Variants in HERC3 observed in about 807,000 individuals in gnomAD.
HERC3 encodes the protein HECT and RLD domain containing E3 ubiquitin protein ligase 3.
HERC3 carries 58 observed loss-of-function variants against 129.9 expected under a neutral mutation model. The ratio of observed to expected loss-of-function variants is 0.45; its 90% confidence interval spans 0.36 to 0.56. HERC3 has a LOEUF of 0.56. HERC3 is among the 20% of genes least tolerant of loss of function. The probability of loss-of-function intolerance (pLI) is 0.00; values close to 1 mark genes in which losing one functional copy is unlikely to be tolerated. For synonymous variants in HERC3, 430 were observed against 451.0 expected (o/e 0.95, Z 0.59); for missense variants, 835 against 1,244.2 (o/e 0.67, Z 4.95).
rs762868595 is a variant in HERC3, at chr4:88,697,696, T to TCCGCCGCTGCCG, written c.2658-6396_2658-6385dup. 93 of 1,611,830 alleles carry TCCGCCGCTGCCG rather than the reference T, an allele frequency of 5.8e-5. No homozygotes were observed. In the East Asian group the frequency reaches 1.8e-3, roughly 32 times the overall value. ...CGCCATTACCTCCTCTGCCGCTGCC[T>TCCGCCGCTGCCG]CCGCCGCTGCCGCCGCCTGGCTAGG... On this transcript the variant is annotated intron_variant, in intron 23 of 25. Transcript: ENST00000402738.
rs557064421 is a variant in HERC3, at chr4:88,682,892, C to T, written c.2507+1567C>T. ...TTCTAGTTCTAGATCCCTGAGGAAT[C>T]GCCACACTGACTTCCACAATGGTTG... On this transcript the variant is annotated intron_variant, in intron 21 of 25. Transcript: ENST00000402738. 1.6e-4 allele frequency among the ~76,000 whole-genome samples: 25 copies of T among 152,190 alleles called. No homozygotes were observed. The East Asian group carries it at 3.7e-3, about 22-fold the overall frequency.
At chr4:88,538,970 GAACAGAT>G in the HERC3 span, among the ~76,000 whole-genome samples, 1 of 152,150 alleles carries the variant, frequency 6.6e-6, no homozygotes, top group Admixed American at 6.5e-5. Context: ...GGCCAAATAG[GAACAGAT>G]CCAGTCTGCA....
intron 23 of HERC3, chr4:88,696,411 C>CG (rs1328291094): frequency 2.6e-5 from 4 of 152,534 alleles, no homozygotes; most frequent in Non-Finnish European, 5.9e-5. Flanking sequence ...ATTTCTAAAA[C>CG]GCTAGGTAAA....
At chr4:88,629,168 A>G (rs778208404) in intron 3 of HERC3, among the ~76,000 whole-genome samples, 3 of 152,218 alleles carry the variant, frequency 2.0e-5, no homozygotes, top group Non-Finnish European at 4.4e-5. Context: ...AAAACAAAAC[A>G]AAACAAAACT....
the HERC3 span, among the ~76,000 whole-genome samples, chr4:88,554,345 CAAAA>C: frequency 6.7e-5 from 4 of 59,824 alleles, no homozygotes; most frequent in Non-Finnish European, 7.3e-5. Flanking sequence ...ACTCCATCTC[CAAAA>C]AAAAAAAAAA....
At chr4:88,558,141 C>T in the HERC3 span, among the ~76,000 whole-genome samples, 2 of 150,556 alleles carry the variant, frequency 1.3e-5, no homozygotes, top group African/African-American at 4.9e-5. Context: ...CCACTAATCC[C>T]AGTACCAGGT....
At chr4:88,665,720 G>T (rs1185357241) in intron 12 of HERC3, among the ~76,000 whole-genome samples, 1 of 152,082 alleles carries the variant, frequency 6.6e-6, no homozygotes, top group Non-Finnish European at 1.5e-5. Context: ...TCCCTAACTG[G>T]GTTGCAGGAG....
intron 3 of HERC3, among the ~76,000 whole-genome samples, chr4:88,625,614 G>A (rs1726013455): frequency 6.6e-6 from 1 of 152,038 alleles, no homozygotes; most frequent in Admixed American, 6.6e-5. Context: ...ATCAAGCTGT[G>A]TGCCTATTAT....
the HERC3 span, among the ~76,000 whole-genome samples, chr4:88,530,017 G>T: frequency 6.6e-6 from 1 of 152,098 alleles, no homozygotes; most frequent in South Asian, 2.1e-4. Flanking sequence ...CCAGCTGAGT[G>T]TGGTGGCTCA....
intron 4 of HERC3, among the ~76,000 whole-genome samples, chr4:88,650,305 A>G (rs987697272): frequency 1.3e-5 from 2 of 152,224 alleles, no homozygotes; most frequent in African/African-American, 2.4e-5. Flanking sequence ...TCGTAGGCTT[A>G]TTAACCTTCA....
rs1223642403 is a variant in HERC3 at position 88,704,544 on chromosome 4, C to T, written c.2878C>T (p.Pro960Ser). ...IYKGDYSATH[P>S]TVKLFWETFH... is the part of the protein sequence containing the mutation. ...CAAGGGAGATTACTCGGCCACACAT[C>T]CCACTGTAAAACTATTTTGGGAAAC... The change falls in exon 25 of 26, where the codon CCC (proline) becomes TCC (serine). Residue 960 changes from proline to serine, a missense_variant. By Grantham distance (74) the Pro-to-Ser change is moderately conservative (BLOSUM62 -1). Coordinates refer to ENST00000402738, the MANE Select transcript of HERC3 (RefSeq NM_014606.3). 6.2e-7 allele frequency: 1 copy of T among 1,612,392 alleles called. No homozygotes were observed. The highest frequency in any genetic ancestry group is 8.5e-7 in the Non-Finnish European group (1 of 1,178,530).
chr4:88,591,194 T>A (rs1335653178), upstream of HERC3, among the ~76,000 whole-genome samples: 1 of 152,192 alleles, frequency 6.6e-6, no homozygotes, highest in East Asian at 1.9e-4. Flanking sequence ...CGCCTGGCCA[T>A]CCCCAGTGTT....
At chr4:88,563,701 C>A in the HERC3 span, among the ~76,000 whole-genome samples, 1 of 150,180 alleles carries the variant, frequency 6.7e-6, no homozygotes, top group African/African-American at 2.5e-5. Context: ...CTTGTGTTGC[C>A]AAGGCTGGAG....
At chr4:88,691,548 C>A (rs1734077205) in intron 23 of HERC3, among the ~76,000 whole-genome samples, 1 of 152,208 alleles carries the variant, frequency 6.6e-6, no homozygotes, top group South Asian at 2.1e-4. Context: ...CGTTGGGAAG[C>A]AAGCTCTCAT....
chr4:88,606,138 CAA>C (rs1723596959), intron 3 of HERC3, 89 bp downstream of exon 3: 1 of 1,039,428 alleles, frequency 9.6e-7, no homozygotes. Context: ...CTTTCTCCAC[CAA>C]GTGTTCGGTT....
At chr4:88,617,926 C>T (rs1185672619) in intron 3 of HERC3, among the ~76,000 whole-genome samples, 1 of 151,658 alleles carries the variant, frequency 6.6e-6, no homozygotes, top group African/African-American at 2.4e-5. Flanking sequence ...GACCATTATG[C>T]CCTTAGGCAG....
intron 23 of HERC3, among the ~76,000 whole-genome samples, chr4:88,695,114 A>AT (rs1381697517): frequency 6.6e-6 from 1 of 152,084 alleles, no homozygotes; most frequent in Non-Finnish European, 1.5e-5. Context: ...ATTTTATTAG[A>AT]TTTTTTCTCT....
At chr4:88,671,169 C>T (rs1221742324) in intron 16 of HERC3, among the ~76,000 whole-genome samples, 2 of 152,194 alleles carry the variant, frequency 1.3e-5, no homozygotes, top group South Asian at 2.1e-4. Context: ...TCTTTAGGAT[C>T]TCCCATCTGT....
intron 3 of HERC3, among the ~76,000 whole-genome samples, chr4:88,612,596 C>G (rs1206575821): frequency 6.6e-6 from 1 of 152,094 alleles, no homozygotes; most frequent in East Asian, 1.9e-4. Context: ...TCTCACATGA[C>G]TTTTCTCTCC....
Sources: allele counts gnomAD v4.1 joint callset (sites outside exome capture counted in the v4.1 genomes callset), GRCh38; gene constraint gnomAD v4.1.1; transcripts MANE v1.5; gene names NCBI Gene and HGNC (gene_info 2026-07-23, HGNC 2026-07-21).